ARHGAP30: variants seen among roughly 807,000 people sequenced by gnomAD.
The protein encoded by ARHGAP30 is rho GTPase-activating protein 30.
A neutral mutation model predicts 72.0 loss-of-function variants in ARHGAP30; 23 were observed. That is an observed-to-expected ratio of 0.32 (90% CI 0.23 to 0.45). The LOEUF is 0.45. Ranked by LOEUF, ARHGAP30 falls within the 20% of genes least tolerant of loss-of-function variation. The probability of loss-of-function intolerance (pLI) is 1.00; values close to 1 mark genes in which losing one functional copy is unlikely to be tolerated. For missense variants in ARHGAP30, 1,319 were observed against 1,383.4 expected (o/e 0.95, Z 0.74); for synonymous variants, 576 against 528.2 (o/e 1.09, Z -1.24).
Position 161,053,305 on chromosome 1 carries a change from A to T in ARHGAP30, c.617T>A (p.Phe206Tyr). 1 of 1,613,988 alleles carries T rather than the reference A, an allele frequency of 6.2e-7. No homozygotes were observed. Among genetic ancestry groups the T allele is most frequent in the Non-Finnish European group, 8.5e-7 (1 of 1,179,998 alleles). ...EVRVQSIVVEFILTHVDQLFG... is the reference protein window; with the variant it reads ...EVRVQSIVVEYILTHVDQLFG... ...GAGCTGGTCCACGTGTGTGAGGATGAACTCCACGACGATGGATTGTACCCG... is the reference window on the plus strand; with the variant it reads ...GAGCTGGTCCACGTGTGTGAGGATGTACTCCACGACGATGGATTGTACCCG... Residue 206 changes from phenylalanine (F) to tyrosine (Y), a missense_variant, in exon 6 of 12, where the codon TTC becomes TAC. This residue lies in a region of ARHGAP30 where 222 missense variants were observed against 338.2 expected (regional missense o/e 0.66). Coordinates refer to ENST00000368013, the MANE Select transcript of ARHGAP30 (RefSeq NM_001025598.2).
At chr1:161,057,029 C>G (rs1351799801) in intron 2 of ARHGAP30, among the ~76,000 whole-genome samples, 6 of 152,016 alleles carry the variant, frequency 3.9e-5, no homozygotes, top group Non-Finnish European at 8.8e-5. Context: ...CAAAAGTCAC[C>G]ATTAAAAAAG....
At position 161,056,424 on chromosome 1, in the gene ARHGAP30, A is replaced by G; in HGVS notation, c.309T>C (p.Asp103=). 1 of 1,614,010 alleles carries G rather than the reference A, an allele frequency of 6.2e-7. No individual in the cohort carries two copies. The highest frequency in any genetic ancestry group is 1.1e-5 in the South Asian group (1 of 91,038). ...CATAGAGCCGGTAAGTGAGCAGGGGATCCGGCAGTTCTCTGAAATAGGCCT... is the reference window on the plus strand; with the variant it reads ...CATAGAGCCGGTAAGTGAGCAGGGGGTCCGGCAGTTCTCTGAAATAGGCCT... The part of the protein sequence containing the change: ...LCKAYFRELP[D]PLLTYRLYDK... The change falls in exon 3 of 12, where the codon GAT becomes GAC. Residue 103 remains aspartate (D), a synonymous_variant. Transcript: ENST00000368013.
In ARHGAP30 at chr1:161,069,023, T is replaced by G. The variant is rs1035643296; in HGVS notation, c.97+505A>C. Among the ~76,000 whole-genome samples the G allele has an allele frequency of 5.3e-5, 8 of 152,066 alleles. No homozygotes were observed. Among genetic ancestry groups the G allele is most frequent in the Admixed American group, 1.3e-4 (2 of 15,256 alleles). On this transcript the variant is annotated intron_variant, in intron 1 of 11. Transcript: ENST00000368013. The surrounding 1 kb of genome is among the most constrained non-coding windows in gnomAD (Gnocchi z 4.9). ...CCCCTGCGGCCCAGCAAGGCTGCAG[T>G]GGGAACAGAGCCCATGACCTTGTCC...
intron 3 of ARHGAP30, among the ~76,000 whole-genome samples, chr1:161,055,934 ATAAAT>A (rs1324760205): frequency 1.3e-4 from 3 of 23,740 alleles, no homozygotes; most frequent in Non-Finnish European, 3.3e-4. Context: ...ATAAAATAAA[ATAAAT>A]ATAAAATAAA....
intron 1 of ARHGAP30, among the ~76,000 whole-genome samples, chr1:161,064,816 AAAG>A (rs1652602691): frequency 1.5e-5 from 1 of 64,912 alleles, no homozygotes; most frequent in Non-Finnish European, 2.8e-5. Context: ...AGAAAGAAAG[AAAG>A]AAAGAAAGAA....
Position 161,048,619 on chromosome 1 carries a change from C to G in ARHGAP30, c.2402G>C (p.Gly801Ala). ...TTCATGGTACCCCTTCTCCCTCTGTCCTTTGTCCTCATCCTCTCTGACTCC... is the reference window on the plus strand; with the variant it reads ...TTCATGGTACCCCTTCTCCCTCTGTGCTTTGTCCTCATCCTCTCTGACTCC... ...AEGVREDEDK[G>A]QREKGYHEAR... Residue 801 changes from glycine to alanine, a missense_variant, in exon 12 of 12, where the codon GGA becomes GCA. Transcript: ENST00000368013. 1 of 1,614,048 alleles carries G rather than the reference C, an allele frequency of 6.2e-7. No individual in the cohort carries two copies. The highest frequency in any genetic ancestry group is 8.5e-7 in the Non-Finnish European group (1 of 1,180,008).
At chr1:161,064,842 A>AAGGAAGG (rs1652635258) in intron 1 of ARHGAP30, among the ~76,000 whole-genome samples, 1 of 81,526 alleles carries the variant, frequency 1.2e-5, no homozygotes, top group Admixed American at 1.3e-4. Flanking sequence ...AGAAAGAAAG[A>AAGGAAGG]AAGAAAGGAA....
intron 2 of ARHGAP30, among the ~76,000 whole-genome samples, chr1:161,059,123 G>T (rs560626360): frequency 2.0e-5 from 3 of 151,818 alleles, no homozygotes; most frequent in African/African-American, 4.8e-5. Flanking sequence ...CTGCCTCCTG[G>T]GTTGGAGCAA....
chr1:161,054,343 A>G (rs1651671396), intron 5 of ARHGAP30, 23 bp downstream of exon 5: 2 of 1,604,764 alleles, frequency 1.2e-6, no homozygotes, highest in South Asian at 2.2e-5. Context: ...GGATCCCCAT[A>G]CACTGCTCAC....
chr1:161,052,864 C>T, intron 6 of ARHGAP30, 67 bp from the exon 7 acceptor site: 2 of 1,559,120 alleles, frequency 1.3e-6, no homozygotes, highest in Non-Finnish European at 1.7e-6. Context: ...GCACCCAATC[C>T]TTCATCACCC....
At chr1:161,050,599 G>A (rs58974723) in intron 10 of ARHGAP30, among the ~76,000 whole-genome samples, 39,998 of 151,132 alleles carry the variant, frequency 0.26, 8,055 homozygotes, top group African/African-American at 0.56. Flanking sequence ...GTGAGCCACC[G>A]TGCCTGGCCT....
rs974897952 is a variant in ARHGAP30 at position 161,046,974 on chromosome 1, A to G, written c.*741T>C. On this transcript the variant is annotated 3_prime_UTR_variant, in exon 12 of 12. Coordinates refer to ENST00000368013, the MANE Select transcript of ARHGAP30 (RefSeq NM_001025598.2). ...AAAAATACAGCTTTTATTCTGAGAC[A>G]TTGACCTTCACTAGAGTGGGACCTG... 1.3e-5 allele frequency: 6 copies of G among 470,120 alleles called. No individual in the cohort carries two copies. Among genetic ancestry groups the G allele is most frequent in the African/African-American group, 4.0e-5 (2 of 50,032 alleles). 29.1% of individuals were successfully genotyped at this position (470,120 alleles called of 1,614,324 possible).
chr1:161,048,390 C>T lies in ARHGAP30; in HGVS notation c.2631G>A (p.Glu877=), dbSNP rs765012517. The change falls in exon 12 of 12, where the codon GAG becomes GAA. Residue 877 remains glutamate (E), a synonymous_variant. Coordinates refer to ENST00000368013, the MANE Select transcript of ARHGAP30 (RefSeq NM_001025598.2). ...CCATCTCAGAAGAGTGAGGATTGCC[C>T]TCTTTGGCACAGTCAACCTCCAGGG... ...VASLEVDCAK[E]GNPHSSEMEE... The T allele has an allele frequency of 3.1e-6, 5 of 1,613,984 alleles. No individual in the cohort carries two copies. The African/African-American group carries it at 6.7e-5, about 22-fold the overall frequency.
rs17215366 is a variant in ARHGAP30 at position 161,047,011 on chromosome 1, T to C, written c.*704A>G. The C allele has an allele frequency of 1.4e-3, 639 of 469,610 alleles. 1 individual carries two copies. The highest frequency in any genetic ancestry group is 0.012 in the African/African-American group (595 of 50,046). 29.1% of individuals were successfully genotyped at this position (469,610 alleles called of 1,614,324 possible). Reference sequence around the variant, plus strand: ...TAGAGTGGGACCTGTGGCCCCAGCCTGGCTGGAGAAGCAGTCCCAGGGCCT... The same window carrying C: ...TAGAGTGGGACCTGTGGCCCCAGCCCGGCTGGAGAAGCAGTCCCAGGGCCT... On this transcript the variant is annotated 3_prime_UTR_variant, in exon 12 of 12. Coordinates refer to ENST00000368013, the MANE Select transcript of ARHGAP30 (RefSeq NM_001025598.2).
In ARHGAP30 at chr1:161,052,672, G is replaced by A; in HGVS notation, c.790C>T (p.Pro264Ser). 2 of 1,613,778 alleles carry A rather than the reference G, an allele frequency of 1.2e-6. No homozygotes were observed. The highest frequency in any genetic ancestry group is 1.7e-6 in the Non-Finnish European group (2 of 1,179,966). Residue 264 changes from proline to serine, a missense_variant, in exon 7 of 12, where the codon CCA becomes TCA. Coordinates refer to ENST00000368013, the MANE Select transcript of ARHGAP30 (RefSeq NM_001025598.2). Reference sequence around the variant, plus strand: ...ATAGTATGGTAGGGCCGCATCTGTGGGGGTCCATCGCCAGCCTGCAGTATG... The same window carrying A: ...ATAGTATGGTAGGGCCGCATCTGTGAGGGTCCATCGCCAGCCTGCAGTATG... Reference protein sequence around the residue: ...PSILQAGDGPPQMRPYHTIIE... With the variant: ...PSILQAGDGPSQMRPYHTIIE...
intron 1 of ARHGAP30, among the ~76,000 whole-genome samples, chr1:161,060,947 G>T (rs12080016): frequency 4.0e-5 from 6 of 151,246 alleles, no homozygotes; most frequent in African/African-American, 9.7e-5. Context: ...CTCATATTTC[G>T]CCCGCCTCGG....
chr1:161,047,835 G>A lies in ARHGAP30; in HGVS notation c.3186C>T (p.Ser1062=). 1 of 1,610,904 alleles carries A rather than the reference G, an allele frequency of 6.2e-7. No individual in the cohort carries two copies. Among genetic ancestry groups the A allele is most frequent in the South Asian group, 1.1e-5 (1 of 90,614 alleles). ...LPSEGAEGSG[S]RSRLSLPPRE... ...TGGGGGGCAGACTAAGACGACTCCG[G>A]GATCCAGACCCTTCTGCACCTTCAG... Residue 1062 remains serine, a synonymous_variant, in exon 12 of 12, where the codon TCC becomes TCT. Coordinates refer to ENST00000368013, the MANE Select transcript of ARHGAP30 (RefSeq NM_001025598.2).
Position 161,047,393 on chromosome 1 carries a change from A to C in ARHGAP30, c.*322T>G. 1 of 188,574 alleles carries C rather than the reference A, an allele frequency of 5.3e-6. No homozygotes were observed. Among genetic ancestry groups the C allele is most frequent in the Non-Finnish European group, 1.1e-5 (1 of 91,784 alleles). 11.7% of individuals were successfully genotyped at this position (188,574 alleles called of 1,614,324 possible). A position where few individuals can be genotyped will look rare whatever the true frequency, so the allele number is the denominator to read the frequency against. On this transcript the variant is annotated 3_prime_UTR_variant, in exon 12 of 12. Coordinates refer to ENST00000368013, the MANE Select transcript of ARHGAP30 (RefSeq NM_001025598.2). ...ATTCACAGCTCAGAGGAAGGGAGGAATTTCTCCAGTCTTCACTTTAACAAA... is the reference window on the plus strand; with the variant it reads ...ATTCACAGCTCAGAGGAAGGGAGGACTTTCTCCAGTCTTCACTTTAACAAA...
At position 161,062,103 on chromosome 1, in the gene ARHGAP30, C is replaced by CA. The variant is rs1030604395; in HGVS notation, c.98-2388dup. Among the ~76,000 whole-genome samples, 156 of 150,812 alleles carry CA rather than the reference C, an allele frequency of 1.0e-3. 1 individual carries two copies. Among genetic ancestry groups the CA allele is most frequent in the South Asian group, 4.2e-3 (20 of 4,780 alleles). On this transcript the variant is annotated intron_variant, in intron 1 of 11. Transcript: ENST00000368013. ...ACTCGGTCTTTAAAAACAACAACAA[C>CA]AAAAAAAAACCATGTATTGAAACCC...
Sources: allele counts gnomAD v4.1 joint callset (sites outside exome capture counted in the v4.1 genomes callset), GRCh38; gene constraint gnomAD v4.1.1; regional missense constraint gnomAD v4.1.1; non-coding constraint Gnocchi (gnomAD v3.1); transcripts MANE v1.5; gene names NCBI Gene and HGNC (gene_info 2026-07-23, HGNC 2026-07-21).